Variants in GRAMD2B observed in about 807,000 individuals in gnomAD.
GRAMD2B encodes GRAM domain containing 2B.
Under a neutral mutation model 59.2 loss-of-function variants are expected in GRAMD2B, and 41 were observed. That is an observed-to-expected ratio of 0.69 (90% CI 0.54 to 0.90). GRAMD2B has a LOEUF of 0.90. GRAMD2B is among the 40% of genes least tolerant of loss of function. The pLI, the probability that GRAMD2B is intolerant of heterozygous loss-of-function variation, is 0.00. For synonymous variants in GRAMD2B, 161 were observed against 182.7 expected, an observed-to-expected ratio of 0.88 and a Z score of 0.96; for missense variants, 424 against 500.5, an observed-to-expected ratio of 0.85 and a Z score of 1.46.
chr5:126,375,104 T>C (rs1755065075), intron 1 of GRAMD2B, among the ~76,000 whole-genome samples: 1 of 152,232 alleles, frequency 6.6e-6, no homozygotes, highest in Non-Finnish European at 1.5e-5. Context: ...TTTTAGAATA[T>C]TCTGCATAAA....
chr5:126,420,120 A>G (rs1759610125), upstream of GRAMD2B, among the ~76,000 whole-genome samples: 1 of 152,006 alleles, frequency 6.6e-6, no homozygotes, highest in African/African-American at 2.4e-5. Flanking sequence ...AAAAACAAGA[A>G]TTTGGATTCC....
upstream of GRAMD2B, among the ~76,000 whole-genome samples, chr5:126,366,608 A>G (rs1754447903): frequency 6.6e-6 from 1 of 152,176 alleles, no homozygotes; most frequent in African/African-American, 2.4e-5. Context: ...CCATTTTTAC[A>G]AAAGCTCAGA....
intron 1 of GRAMD2B, among the ~76,000 whole-genome samples, chr5:126,424,550 C>T (rs1760256542): frequency 6.6e-6 from 1 of 152,226 alleles, no homozygotes; most frequent in Admixed American, 6.5e-5. Flanking sequence ...GGTCTAACTT[C>T]TGTTTTGAAC....
At chr5:126,363,970 G>A (rs1013641818) in intron 1 of GRAMD2B, among the ~76,000 whole-genome samples, 2 of 152,022 alleles carry the variant, frequency 1.3e-5, no homozygotes, top group South Asian at 4.1e-4. Context: ...AGTGAACTTT[G>A]TATTATGTAA....
intron 13 of GRAMD2B, among the ~76,000 whole-genome samples, chr5:126,491,517 T>C (rs1342806907): frequency 6.6e-6 from 1 of 152,198 alleles, no homozygotes; most frequent in African/African-American, 2.4e-5. Context: ...GTAAAGCCTG[T>C]CTTTGTGTGG....
chr5:126,473,032 G>A (rs552165917), intron 4 of GRAMD2B, among the ~76,000 whole-genome samples: 1 of 152,248 alleles, frequency 6.6e-6, no homozygotes, highest in South Asian at 2.1e-4. Flanking sequence ...CAGGTACAAT[G>A]GTAGATTTGC....
chr5:126,371,591 A>T (rs982267690), intron 1 of GRAMD2B: 2 of 1,272,478 alleles, frequency 1.6e-6, no homozygotes, highest in African/African-American at 3.1e-5. Flanking sequence ...GGGCCTGGCC[A>T]TCCACGTCTG....
At chr5:126,402,407 TG>T (rs2149741356) in intron 1 of GRAMD2B, among the ~76,000 whole-genome samples, 1 of 152,212 alleles carries the variant, frequency 6.6e-6, no homozygotes, top group East Asian at 1.9e-4. Flanking sequence ...AATACTACCT[TG>T]GTAAATACCA....
At chr5:126,399,869 A>G (rs1344135599) in intron 1 of GRAMD2B, among the ~76,000 whole-genome samples, 1 of 152,034 alleles carries the variant, frequency 6.6e-6, no homozygotes, top group African/African-American at 2.4e-5. Context: ...TTTAAATCTA[A>G]AGTGAATCTC....
In GRAMD2B at chr5:126,361,004, T is replaced by G. The variant is rs184676040; in HGVS notation, c.128+545T>G. ...ATGAGCTCCTTGTAAGCAGGCACTA[T>G]GGGTTAGCTTTTTGGTTTTTTAGGT... On this transcript the variant is annotated intron_variant, in intron 1 of 13. Coordinates refer to the GRAMD2B transcript ENST00000513040. 2.4e-3 allele frequency among the ~76,000 whole-genome samples: 365 copies of G among 152,318 alleles called. 1 individual carries two copies. Among genetic ancestry groups the G allele is most frequent in the African/African-American group, 8.5e-3 (354 of 41,578 alleles).
intron 2 of GRAMD2B, 73 bp from the exon 3 acceptor site, chr5:126,469,604 C>A: frequency 1.0e-6 from 1 of 976,368 alleles, no homozygotes; most frequent in Non-Finnish European, 1.6e-6. Flanking sequence ...TGCTGCACTT[C>A]AGCCTGGGCA....
At chr5:126,392,425 A>G (rs1561473323) in intron 1 of GRAMD2B, among the ~76,000 whole-genome samples, 1 of 152,218 alleles carries the variant, frequency 6.6e-6, no homozygotes, top group Non-Finnish European at 1.5e-5. Flanking sequence ...ACAAAAATGT[A>G]GCAATATGTG....
chr5:126,385,794 T>G (rs1756072317), intron 1 of GRAMD2B, among the ~76,000 whole-genome samples: 1 of 151,986 alleles, frequency 6.6e-6, no homozygotes, highest in Non-Finnish European at 1.5e-5. Flanking sequence ...GAGGGAGCAA[T>G]GGGGGGTGCA....
At chr5:126,459,754 T>A (rs899547439) in intron 1 of GRAMD2B, among the ~76,000 whole-genome samples, 1 of 152,248 alleles carries the variant, frequency 6.6e-6, no homozygotes, top group African/African-American at 2.4e-5. Flanking sequence ...GTGTGCCAGC[T>A]ATTATGCTAG....
At chr5:126,362,143 G>T (rs1414662308) in intron 1 of GRAMD2B, among the ~76,000 whole-genome samples, 2 of 152,106 alleles carry the variant, frequency 1.3e-5, no homozygotes, top group African/African-American at 2.4e-5. Context: ...GCTATAAATT[G>T]CATGTTTATG....
At chr5:126,395,741 A>G (rs1054167747) in intron 1 of GRAMD2B, among the ~76,000 whole-genome samples, 1 of 152,174 alleles carries the variant, frequency 6.6e-6, no homozygotes. Context: ...CTCAGTTTCC[A>G]GAACAAGAGG....
chr5:126,364,374 T>C (rs954298523), intron 1 of GRAMD2B, among the ~76,000 whole-genome samples: 4 of 152,196 alleles, frequency 2.6e-5, no homozygotes, highest in African/African-American at 9.7e-5. Context: ...AATATTATAA[T>C]TAATGATGGA....
chr5:126,432,464 G>T (rs1761729152), intron 1 of GRAMD2B, among the ~76,000 whole-genome samples: 1 of 152,184 alleles, frequency 6.6e-6, no homozygotes, highest in Admixed American at 6.5e-5. Context: ...GAAAGCTTTA[G>T]TGTGTATTGC....
At chr5:126,489,356 G>C (rs927572261) in intron 13 of GRAMD2B, among the ~76,000 whole-genome samples, 2 of 152,208 alleles carry the variant, frequency 1.3e-5, no homozygotes, top group African/African-American at 4.8e-5. Context: ...TTCCCTATCT[G>C]ATAGGGGAAG....
Sources: allele counts gnomAD v4.1 joint callset (sites outside exome capture counted in the v4.1 genomes callset), GRCh38; gene constraint gnomAD v4.1.1; transcripts MANE v1.5; gene names NCBI Gene and HGNC (gene_info 2026-07-23, HGNC 2026-07-21).